The following GGPS1 variants were observed in gnomAD, a reference collection of about 807,000 sequenced individuals.
The protein encoded by GGPS1 is geranylgeranyl pyrophosphate synthase.
GGPS1 carries 15 observed loss-of-function variants against 28.1 expected under a neutral mutation model. The observed-to-expected ratio is 0.53, with a 90% CI of 0.36 to 0.82. GGPS1 has a LOEUF of 0.82. GGPS1 is among the 40% of genes least tolerant of loss of function. The pLI, the probability that GGPS1 is intolerant of heterozygous loss-of-function variation, is 0.01. For missense variants in GGPS1, 284 were observed against 348.3 expected, an observed-to-expected ratio of 0.82 and a Z score of 1.47; for synonymous variants, 138 against 122.4, an observed-to-expected ratio of 1.13 and a Z score of -0.84.
chr1:235,327,954 C>G (rs1675460549), upstream of GGPS1: 2 of 152,660 alleles, frequency 1.3e-5, no homozygotes, highest in Admixed American at 6.5e-5. Context: ...GGCGGCCGCT[C>G]GGGCTCCCTG....
chr1:235,342,677 A>G lies in GGPS1; in HGVS notation c.808A>G (p.Lys270Glu), dbSNP rs1676088486. 5 of 1,610,294 alleles carry G rather than the reference A, an allele frequency of 3.1e-6. No homozygotes were observed. The highest frequency in any genetic ancestry group is 4.2e-6 in the Non-Finnish European group (5 of 1,176,490). Reference protein sequence around the residue: ...TRNTLKELEAKAYKQIDARGG... With the variant: ...TRNTLKELEAEAYKQIDARGG... ...TAATACCCTTAAAGAGCTTGAAGCT[A>G]AAGCCTATAAACAGATTGATGCACG... is the stretch of plus-strand genomic sequence containing the variant. Residue 270 changes from lysine to glutamate, a missense_variant, in exon 4 of 4, where the codon AAA (lysine) becomes GAA (glutamate). Transcript: ENST00000282841.
intron 2 of GGPS1, among the ~76,000 whole-genome samples, chr1:235,339,575 C>A (rs962386089): frequency 6.6e-5 from 10 of 151,982 alleles, no homozygotes; most frequent in African/African-American, 2.2e-4. Flanking sequence ...GCCTGGCCAA[C>A]ATAGTGAAAC....
Position 235,342,065 on chromosome 1 carries a change from A to G in GGPS1, c.196A>G (p.Ile66Val), listed in dbSNP as rs1676062440. 6.2e-7 allele frequency: 1 copy of G among 1,609,220 alleles called. No homozygotes were observed. Among genetic ancestry groups the G allele is most frequent in the Non-Finnish European group, 8.5e-7 (1 of 1,176,238 alleles). ...LHNASLLIDD[I>V]EDNSKLRRGF... ...TAATGCCAGTTTACTCATCGATGATATTGAAGACAACTCAAAACTCCGACG... is the reference window on the plus strand; with the variant it reads ...TAATGCCAGTTTACTCATCGATGATGTTGAAGACAACTCAAAACTCCGACG... The change falls in exon 4 of 4, where the codon ATT becomes GTT. Residue 66 changes from isoleucine to valine, a missense_variant. Transcript: ENST00000282841.
Position 235,342,086 on chromosome 1 carries a change from C to T in GGPS1, c.217C>T (p.Arg73Ter), listed in dbSNP as rs778789384. The T allele has an allele frequency of 2.5e-6, 4 of 1,612,438 alleles. No homozygotes were observed. Among genetic ancestry groups the T allele is most frequent in the Non-Finnish European group, 3.4e-6 (4 of 1,178,764 alleles). ...IDDIEDNSKLRRGFPVAHSIY... is the reference protein window; with the variant it reads ...IDDIEDNSKL ...TGATATTGAAGACAACTCAAAACTC[C>T]GACGTGGCTTTCCAGTGGCCCACAG... Residue 73 changes from arginine (R) to a stop codon, truncating the protein, a stop_gained, in exon 4 of 4, where the codon CGA (arginine) becomes TGA (stop). Coordinates refer to ENST00000282841, the MANE Select transcript of GGPS1 (RefSeq NM_004837.4). LOFTEE classifies it high-confidence loss of function.
At chr1:235,339,732 C>A (rs1311969814) in intron 2 of GGPS1, among the ~76,000 whole-genome samples, 1 of 150,436 alleles carries the variant, frequency 6.6e-6, no homozygotes, top group South Asian at 2.1e-4. Flanking sequence ...TGCACTCTAG[C>A]CTGGGTGACA....
chr1:235,331,060 G>A (rs1261340766), intron 1 of GGPS1, among the ~76,000 whole-genome samples: 2 of 152,170 alleles, frequency 1.3e-5, no homozygotes, highest in East Asian at 3.8e-4. Context: ...ATAGGTAATA[G>A]GTTACCTAAA....
At position 235,335,346 on chromosome 1, in the gene GGPS1, C is replaced by T. The variant is rs1210255897; in HGVS notation, c.70+12C>T. 7.8e-7 allele frequency: 1 copy of T among 1,281,486 alleles called. No individual in the cohort carries two copies. Among genetic ancestry groups the T allele is most frequent in the East Asian group, 2.3e-5 (1 of 43,282 alleles). 79.4% of individuals were successfully genotyped at this position (1,281,486 alleles called of 1,614,324 possible). ...ACTTCAGTTACCAGGTAATACTTCA[C>T]TTACAGTCCATATAGGGTCATTTTC... is the stretch of plus-strand genomic sequence containing the variant. On this transcript the variant is annotated intron_variant, in intron 2 of 3. Transcript: ENST00000282841.
intron 2 of GGPS1, 149 bp downstream of exon 2, chr1:235,335,483 T>C (rs1417482121): frequency 8.0e-6 from 4 of 502,718 alleles, no homozygotes; most frequent in East Asian, 7.0e-5. Flanking sequence ...TAGAACATTA[T>C]AATTTTTTCT....
chr1:235,335,949 G>C (rs938321044), intron 2 of GGPS1, among the ~76,000 whole-genome samples: 3 of 152,134 alleles, frequency 2.0e-5, no homozygotes, highest in Admixed American at 6.5e-5. Context: ...TATACTACTG[G>C]TTCCTTTGAG....
At chr1:235,328,921 G>A (rs1022602450) in intron 1 of GGPS1, 143 bp downstream of exon 1, 1 of 152,364 alleles carries the variant, frequency 6.6e-6, no homozygotes, top group Non-Finnish European at 1.5e-5. Flanking sequence ...CCATCCCCTA[G>A]CTTTAAGCGA....
upstream of GGPS1, chr1:235,327,837 AGCAG>A (rs1675445913): frequency 6.6e-6 from 1 of 152,378 alleles, no homozygotes; most frequent in African/African-American, 2.4e-5. Flanking sequence ...CCCCAAAACC[AGCAG>A]GCCCGGGGGA....
At chr1:235,332,940 C>T (rs891026090) in intron 1 of GGPS1, among the ~76,000 whole-genome samples, 1 of 150,930 alleles carries the variant, frequency 6.6e-6, no homozygotes, top group African/African-American at 2.4e-5. Context: ...TGGTGGTGGG[C>T]ACCTGTAGTC....
rs576374601 is a variant in GGPS1, at chr1:235,335,319, T to G, written c.55T>G (p.Leu19Val). The change falls in exon 2 of 4, where the codon TTA becomes GTA. Residue 19 changes from leucine to valine, a missense_variant. Coordinates refer to ENST00000282841, the MANE Select transcript of GGPS1 (RefSeq NM_004837.4). ...QRILLEPYKY[L>V]LQLPGKQVRT... ...AATTCTTCTAGAACCCTATAAATAC[T>G]TACTTCAGTTACCAGGTAATACTTC... The G allele has an allele frequency of 1.3e-6, 2 of 1,495,234 alleles. No individual in the cohort carries two copies. The highest frequency in any genetic ancestry group is 2.8e-5 in the African/African-American group (2 of 72,698). 92.6% of individuals were successfully genotyped at this position (1,495,234 alleles called of 1,614,324 possible).
intron 1 of GGPS1, among the ~76,000 whole-genome samples, chr1:235,331,527 G>A (rs1021061056): frequency 2.0e-5 from 3 of 152,064 alleles, no homozygotes; most frequent in Non-Finnish European, 1.5e-5. Flanking sequence ...TCTGAGGTAC[G>A]TGTAAACATT....
At chr1:235,341,904 T>C in intron 3 of GGPS1, 107 bp from the exon 4 acceptor site, 1 of 858,434 alleles carries the variant, frequency 1.2e-6, no homozygotes, top group Non-Finnish European at 1.8e-6. Context: ...TTGCTAAATA[T>C]TTATTAGTTG....
chr1:235,333,381 A>G (rs1675775402), intron 1 of GGPS1, among the ~76,000 whole-genome samples: 1 of 151,848 alleles, frequency 6.6e-6, no homozygotes. Context: ...CAGCCTGGCC[A>G]ACATAGTGAA....
At chr1:235,334,831 G>A (rs980906226) in intron 1 of GGPS1, among the ~76,000 whole-genome samples, 8 of 152,014 alleles carry the variant, frequency 5.3e-5, no homozygotes, top group Non-Finnish European at 1.0e-4. Flanking sequence ...TCTGCCTCCC[G>A]GGTTCAAGCA....
At chr1:235,330,465 A>G (rs1675678046) in intron 1 of GGPS1, 1 of 152,168 alleles carries the variant, frequency 6.6e-6, no homozygotes, top group Non-Finnish European at 1.5e-5. Flanking sequence ...AGCCTGGGCG[A>G]CAGAGTGAGA....
At chr1:235,329,971 C>T (rs1463374642) in intron 1 of GGPS1, 1 of 152,220 alleles carries the variant, frequency 6.6e-6, no homozygotes, top group Non-Finnish European at 1.5e-5. Flanking sequence ...TGAGAAGTTT[C>T]AGACTCTCAC....
Sources: allele counts gnomAD v4.1 joint callset (sites outside exome capture counted in the v4.1 genomes callset), GRCh38; gene constraint gnomAD v4.1.1; transcripts MANE v1.5; gene names NCBI Gene and HGNC (gene_info 2026-07-23, HGNC 2026-07-21).